Variants in RXRG observed in about 807,000 individuals in gnomAD.
RXRG encodes retinoic acid receptor RXR-gamma.
A neutral mutation model predicts 49.2 loss-of-function variants in RXRG; 19 were observed. The observed-to-expected ratio is 0.39, with a 90% CI of 0.27 to 0.57. The LOEUF (loss-of-function observed/expected upper bound fraction) is 0.57. Ranked by LOEUF, RXRG falls within the 20% of genes least tolerant of loss-of-function variation. The probability of loss-of-function intolerance (pLI) is 0.64; values close to 1 mark genes in which losing one functional copy is unlikely to be tolerated. For missense variants in RXRG, 452 were observed against 592.5 expected (o/e 0.76, Z 2.46); for synonymous variants, 224 against 216.6 (o/e 1.03, Z -0.30).
chr1:165,439,809 T>C (rs917830806), intron 1 of RXRG, among the ~76,000 whole-genome samples: 1 of 152,250 alleles, frequency 6.6e-6, no homozygotes, highest in Non-Finnish European at 1.5e-5. Context: ...AGTTATAAAA[T>C]ACCTTCCCAT....
intron 8 of RXRG, among the ~76,000 whole-genome samples, chr1:165,407,190 C>T (rs1051876292): frequency 6.6e-6 from 1 of 152,244 alleles, no homozygotes; most frequent in Non-Finnish European, 1.5e-5. Context: ...CCGGACCATT[C>T]TCGAAATATT....
rs1331120117 is a variant in RXRG at position 165,401,008 on chromosome 1, G to A, written c.*255C>T. 6 of 437,440 alleles carry A rather than the reference G, an allele frequency of 1.4e-5. No homozygotes were observed. The highest frequency in any genetic ancestry group is 2.4e-5 in the Non-Finnish European group (6 of 248,538). The allele number at this position is 437,440 out of a possible 1,614,324, so 27.1% of individuals were successfully genotyped here. On this transcript the variant is annotated 3_prime_UTR_variant, in exon 10 of 10. Coordinates refer to ENST00000359842, the MANE Select transcript of RXRG (RefSeq NM_006917.5). ...ATAATTTAAACCAATTGTATGTACA[G>A]AGGCTTGATTAGTTTTCCCAAGAAC...
chr1:165,415,870 T>C (rs1418880542), intron 4 of RXRG, among the ~76,000 whole-genome samples: 2 of 152,204 alleles, frequency 1.3e-5, no homozygotes, highest in African/African-American at 4.8e-5. Flanking sequence ...AGACTAGGGC[T>C]GATCTGAAAG....
At chr1:165,429,036 T>G in intron 1 of RXRG, 70 bp from the exon 2 acceptor site, 1 of 1,509,486 alleles carries the variant, frequency 6.6e-7, no homozygotes, top group East Asian at 2.3e-5. Flanking sequence ...GACAGAGGCC[T>G]AGCCCCACCT....
At chr1:165,434,905 C>T (rs372311774) in intron 1 of RXRG, among the ~76,000 whole-genome samples, 41 of 152,362 alleles carry the variant, frequency 2.7e-4, no homozygotes, top group African/African-American at 9.1e-4. Flanking sequence ...TTGCCAGGTA[C>T]AGGCACTTCA....
intron 2 of RXRG, among the ~76,000 whole-genome samples, chr1:165,422,780 G>A (rs772594959): frequency 3.9e-5 from 6 of 152,184 alleles, no homozygotes; most frequent in Admixed American, 6.5e-5. Flanking sequence ...TACAGCATGA[G>A]GAAAGATTAG....
At chr1:165,443,794 A>G (rs1659076246) in intron 1 of RXRG, among the ~76,000 whole-genome samples, 2 of 152,208 alleles carry the variant, frequency 1.3e-5, no homozygotes, top group South Asian at 4.1e-4. Context: ...CAAGTTAGGC[A>G]AGCTTTAGTC....
In RXRG at chr1:165,408,040, C is replaced by T. The variant is rs148340618; in HGVS notation, c.1138+187G>A. Among the ~76,000 whole-genome samples the T allele has an allele frequency of 5.0e-3, 765 of 152,264 alleles. 2 individuals carry two copies. Among genetic ancestry groups the T allele is most frequent in the Middle Eastern group, 0.041 (12 of 294 alleles). On this transcript the variant is annotated intron_variant, in intron 8 of 9. Transcript: ENST00000359842. ...TCATCTTCCCCACTTGCCCCAGACA[C>T]GCGCCTGCCACACTCATTCAAAACA...
chr1:165,430,007 GGATCCCATCACTA>G (rs1658620865), intron 1 of RXRG, among the ~76,000 whole-genome samples: 1 of 152,100 alleles, frequency 6.6e-6, no homozygotes, highest in Admixed American at 6.5e-5. Flanking sequence ...ACCCCACCGT[GGATCCCATCACTA>G]GATCCCTGTG....
At chr1:165,433,539 A>G (rs1346546517) in intron 1 of RXRG, among the ~76,000 whole-genome samples, 1 of 152,274 alleles carries the variant, frequency 6.6e-6, no homozygotes, top group Non-Finnish European at 1.5e-5. Flanking sequence ...AAAATAACTT[A>G]TCTAATGAAA....
intron 1 of RXRG, among the ~76,000 whole-genome samples, chr1:165,438,307 T>C (rs6675971): frequency 0.15 from 22,518 of 151,992 alleles, 1,725 homozygotes; most frequent in South Asian, 0.29. Flanking sequence ...TTTCAGATTT[T>C]TGGATTATAG....
rs10918169 is a variant in RXRG, at chr1:165,401,238, G to C, written c.*25C>G. The C allele has an allele frequency of 0.18, 293,410 of 1,612,480 alleles. 29,452 individuals carry two copies. The highest frequency in any genetic ancestry group is 0.29 in the African/African-American group (21,937 of 74,906). On this transcript the variant is annotated 3_prime_UTR_variant, in exon 10 of 10. Transcript: ENST00000359842. The stretch of plus-strand genomic sequence containing the variant: ...CACACCTGCCCAGGGGTCATCCTGG[G>C]TGGGGAGGCTGTGGCTGGTGGGGCT...
At chr1:165,418,557 C>T (rs1658207086) in intron 3 of RXRG, among the ~76,000 whole-genome samples, 1 of 152,110 alleles carries the variant, frequency 6.6e-6, no homozygotes, top group Non-Finnish European at 1.5e-5. Context: ...GATAGCCTGC[C>T]TGAAGAAAAG....
intron 2 of RXRG, among the ~76,000 whole-genome samples, chr1:165,427,445 TTTTG>T (rs869063715): frequency 7.7e-6 from 1 of 129,948 alleles, no homozygotes; most frequent in African/African-American, 2.7e-5. Context: ...TTTTGTTTTG[TTTTG>T]TTTGAGACGG....
intron 2 of RXRG, among the ~76,000 whole-genome samples, chr1:165,427,382 T>C (rs1267954403): frequency 6.6e-6 from 1 of 152,066 alleles, no homozygotes; most frequent in Admixed American, 6.6e-5. Flanking sequence ...CCTTGCCCCA[T>C]CAATGTTGGA....
intron 1 of RXRG, among the ~76,000 whole-genome samples, chr1:165,434,651 T>C (rs2101742193): frequency 6.6e-6 from 1 of 152,266 alleles, no homozygotes; most frequent in East Asian, 1.9e-4. Flanking sequence ...GTCAGGAGTC[T>C]CCATATGAAG....
intron 4 of RXRG, among the ~76,000 whole-genome samples, chr1:165,412,446 A>G (rs1038997977): frequency 6.6e-6 from 1 of 152,000 alleles, no homozygotes; most frequent in Non-Finnish European, 1.5e-5. Flanking sequence ...AGGGGAAAAA[A>G]CCTGTGCCTT....
chr1:165,408,964 A>G (rs1310544134), intron 7 of RXRG, among the ~76,000 whole-genome samples: 1 of 152,196 alleles, frequency 6.6e-6, no homozygotes, highest in Non-Finnish European at 1.5e-5. Flanking sequence ...CAAGTCATTA[A>G]CTACTCATTT....
At position 165,444,947 on chromosome 1, in the gene RXRG, T is replaced by G; in HGVS notation, c.-54A>C. 5 of 1,545,948 alleles carry G rather than the reference T, an allele frequency of 3.2e-6. No individual in the cohort carries two copies. The East Asian group carries it at 9.0e-5, about 28-fold the overall frequency. ...TGTGCAGCTTCTAAATATTACCGCC[T>G]CTCTCGGCTCCCAGGCACAGCCCGG... On this transcript the variant is annotated 5_prime_UTR_variant, in exon 1 of 10. Coordinates refer to ENST00000359842, the MANE Select transcript of RXRG (RefSeq NM_006917.5).
Sources: gnomAD v4.1 joint callset for allele counts (sites outside exome capture counted in the v4.1 genomes callset) on GRCh38, gnomAD v4.1.1 for gene constraint, MANE v1.5 for transcripts, NCBI Gene and HGNC (gene_info 2026-07-23, HGNC 2026-07-21) for gene names.